Variants in NRF1 observed in about 807,000 individuals in gnomAD.
The protein encoded by NRF1 is nuclear respiratory factor 1, also known as alpha palindromic-binding protein.
NRF1 carries 5 observed loss-of-function variants against 58.5 expected under a neutral mutation model. The observed-to-expected ratio is 0.09, with a 90% CI of 0.04 to 0.18. The LOEUF (loss-of-function observed/expected upper bound fraction) is 0.18, where lower values mean the gene tolerates loss of function less well. Among genes scored for constraint, NRF1 ranks in the 10% least tolerant of loss-of-function variants. NRF1 has a pLI of 1.00. For missense variants in NRF1, 288 were observed against 657.7 expected (o/e 0.44, Z 6.15); for synonymous variants, 224 against 246.7 (o/e 0.91, Z 0.86).
rs554786216 is a variant in NRF1, at chr7:129,738,424, C to T, written c.1348+11059C>T. 3.3e-5 allele frequency among the ~76,000 whole-genome samples: 5 copies of T among 152,310 alleles called. No individual in the cohort carries two copies. In the South Asian group the frequency reaches 6.2e-4, roughly 19 times the overall value. ...TGTCTCTTAGTGTCTTCCACACGCC[C>T]CCCTGGGAAATAGGCTTTCTTTGCA... On this transcript the variant is annotated intron_variant, in intron 10 of 10. Coordinates refer to ENST00000393232, the MANE Select transcript of NRF1 (RefSeq NM_005011.5).
At chr7:129,700,357 T>G (rs1407760759) in intron 5 of NRF1, among the ~76,000 whole-genome samples, 1 of 152,128 alleles carries the variant, frequency 6.6e-6, no homozygotes, top group East Asian at 1.9e-4. Flanking sequence ...GAACTTAAAA[T>G]CCTAGTGCCC....
At chr7:129,713,079 T>C (rs1274225774) in intron 8 of NRF1, among the ~76,000 whole-genome samples, 1 of 150,886 alleles carries the variant, frequency 6.6e-6, no homozygotes, top group Non-Finnish European at 1.5e-5. Flanking sequence ...ATAACATTAA[T>C]GGAGTTGCGT....
chr7:129,706,349 C>A (rs979301298), intron 5 of NRF1, among the ~76,000 whole-genome samples: 2 of 152,160 alleles, frequency 1.3e-5, no homozygotes, highest in Admixed American at 1.3e-4. Flanking sequence ...GAAGGGAGAA[C>A]TTGGAGTTTC....
chr7:129,731,030 G>C (rs764569658), intron 10 of NRF1, among the ~76,000 whole-genome samples: 2 of 151,646 alleles, frequency 1.3e-5, no homozygotes, highest in Non-Finnish European at 2.9e-5. Context: ...CCACTACTTT[G>C]GGAGGCCAAG....
At chr7:129,750,997 C>T (rs947112786) in intron 10 of NRF1, among the ~76,000 whole-genome samples, 3 of 152,168 alleles carry the variant, frequency 2.0e-5, no homozygotes, top group Admixed American at 6.5e-5. Context: ...TAATTCCTCC[C>T]TTAAGGAATC....
chr7:129,755,879 G>T lies in NRF1; in HGVS notation c.*698G>T. ...TGGTCTGCCAGCTGAGATGCTCCTC[G>T]GGCTGGCCCAGGTGCTGACCTTGCC... On this transcript the variant is annotated 3_prime_UTR_variant, in exon 11 of 11. Coordinates refer to ENST00000393232, the MANE Select transcript of NRF1 (RefSeq NM_005011.5). The surrounding 1 kb of genome is among the most constrained non-coding windows in gnomAD (Gnocchi z 5.8). The T allele has an allele frequency of 6.5e-6, 1 of 152,748 alleles. No individual in the cohort carries two copies. 9.5% of individuals were successfully genotyped at this position (152,748 alleles called of 1,614,324 possible). A position where few individuals can be genotyped will look rare whatever the true frequency, so the allele number is the denominator to read the frequency against.
Position 129,702,239 on chromosome 7 carries a change from C to G in NRF1, c.607-6836C>G, listed in dbSNP as rs180838876. Reference sequence around the variant, plus strand: ...TGTCTCCTTCAAAGAGAAGGTAGGACTTTAAGAGCATTTTGATTAAAAAGA... The same window carrying G: ...TGTCTCCTTCAAAGAGAAGGTAGGAGTTTAAGAGCATTTTGATTAAAAAGA... On this transcript the variant is annotated intron_variant, in intron 5 of 10. Coordinates refer to ENST00000393232, the MANE Select transcript of NRF1 (RefSeq NM_005011.5). Among the ~76,000 whole-genome samples, 4 of 152,212 alleles carry G rather than the reference C, an allele frequency of 2.6e-5. No individual in the cohort carries two copies. In the East Asian group the frequency reaches 7.7e-4, roughly 29 times the overall value.
intron 10 of NRF1, among the ~76,000 whole-genome samples, chr7:129,752,338 T>C (rs1804138138): frequency 7.1e-6 from 1 of 141,514 alleles, no homozygotes; most frequent in Admixed American, 7.4e-5. Flanking sequence ...AGAGTGTGGC[T>C]GATAGATTGG....
chr7:129,748,535 A>C (rs1246839562), intron 10 of NRF1, among the ~76,000 whole-genome samples: 1 of 152,202 alleles, frequency 6.6e-6, no homozygotes, highest in Non-Finnish European at 1.5e-5. Context: ...TGCCTGAGGA[A>C]GTTCACATGG....
chr7:129,691,099 G>A (rs2151092989), intron 5 of NRF1, among the ~76,000 whole-genome samples: 1 of 152,076 alleles, frequency 6.6e-6, no homozygotes, highest in East Asian at 1.9e-4. Flanking sequence ...GTGTTGCCCA[G>A]GCTGATCTCA....
chr7:129,670,951 C>T (rs1802035178), intron 2 of NRF1, among the ~76,000 whole-genome samples: 1 of 152,220 alleles, frequency 6.6e-6, no homozygotes, highest in Admixed American at 6.5e-5. Context: ...TGTTGGAGTT[C>T]CAAATGTGAG....
intron 4 of NRF1, among the ~76,000 whole-genome samples, chr7:129,682,395 C>G (rs931805478): frequency 5.3e-5 from 8 of 151,390 alleles, no homozygotes; most frequent in Admixed American, 2.6e-4. Context: ...GAGGTCAAGT[C>G]TGCAGTGAGC....
At chr7:129,630,280 C>T (rs1801018205) in intron 1 of NRF1, 2 of 152,276 alleles carry the variant, frequency 1.3e-5, no homozygotes, top group Admixed American at 1.3e-4. Context: ...TTGGTAAATG[C>T]AAATGATGAA....
rs139379880 is a variant in NRF1, at chr7:129,646,565, T to G, written c.-6-10781T>G. On this transcript the variant is annotated intron_variant, in intron 1 of 10. Coordinates refer to ENST00000393232, the MANE Select transcript of NRF1 (RefSeq NM_005011.5). The stretch of plus-strand genomic sequence containing the variant: ...TCCTCCTGCAGCTGGTAATCTGATC[T>G]CCTAGTGGAATGCCATTCAGCTGGT... Among the ~76,000 whole-genome samples the G allele has an allele frequency of 2.1e-3, 322 of 152,238 alleles. 1 individual carries two copies. The highest frequency in any genetic ancestry group is 6.8e-3 in the African/African-American group (284 of 41,544).
intron 10 of NRF1, among the ~76,000 whole-genome samples, chr7:129,736,499 C>T (rs1162144445): frequency 6.6e-6 from 1 of 151,992 alleles, no homozygotes; most frequent in African/African-American, 2.4e-5. Flanking sequence ...TCAAATGATC[C>T]GGCCTCCCAA....
intron 5 of NRF1, among the ~76,000 whole-genome samples, chr7:129,706,090 C>T (rs755969642): frequency 5.3e-5 from 8 of 152,084 alleles, no homozygotes; most frequent in Non-Finnish European, 1.2e-4. Context: ...GGCAAAGAAG[C>T]GGGAATGGGC....
At chr7:129,728,696 T>TA (rs1343248363) in intron 10 of NRF1, among the ~76,000 whole-genome samples, 2 of 152,186 alleles carry the variant, frequency 1.3e-5, no homozygotes, top group African/African-American at 4.8e-5. Flanking sequence ...GGAAACAAAG[T>TA]ACCTCTGTCC....
chr7:129,687,515 A>T (rs1802469197), intron 4 of NRF1, among the ~76,000 whole-genome samples: 1 of 152,176 alleles, frequency 6.6e-6, no homozygotes, highest in Admixed American at 6.5e-5. Context: ...ACCTCAGGTG[A>T]TCTGCCCGCC....
chr7:129,699,272 T>C (rs566313413), intron 5 of NRF1, among the ~76,000 whole-genome samples: 5 of 152,360 alleles, frequency 3.3e-5, no homozygotes, highest in African/African-American at 1.2e-4. Flanking sequence ...AGTTATCTGC[T>C]TAGGTTTTTT....
Sources: gnomAD v4.1 joint callset for allele counts (sites outside exome capture counted in the v4.1 genomes callset) on GRCh38, gnomAD v4.1.1 for gene constraint, Gnocchi (gnomAD v3.1) non-coding constraint, MANE v1.5 for transcripts, NCBI Gene and HGNC (gene_info 2026-07-23, HGNC 2026-07-21) for gene names.